The following CYFIP2 variants were observed in gnomAD, a reference collection of about 807,000 sequenced individuals.
The protein encoded by CYFIP2 is cytoplasmic FMR1 interacting protein 2.
Under a neutral mutation model 158.7 loss-of-function variants are expected in CYFIP2, and 29 were observed. The ratio of observed to expected loss-of-function variants is 0.18; its 90% CI spans 0.14 to 0.25. The LOEUF (loss-of-function observed/expected upper bound fraction) is 0.25. CYFIP2 is among the 10% of genes least tolerant of loss of function. The pLI is 1.00. For missense variants in CYFIP2, 852 were observed against 1,639.5 expected, an observed-to-expected ratio of 0.52 and a Z score of 8.29; for synonymous variants, 585 against 617.6, an observed-to-expected ratio of 0.95 and a Z score of 0.78.
intron 23 of CYFIP2, among the ~76,000 whole-genome samples, chr5:157,352,594 G>A (rs927185623): frequency 2.0e-5 from 3 of 152,190 alleles, no homozygotes; most frequent in East Asian, 1.9e-4. Context: ...ATTTCATCTT[G>A]TATCTCACCC....
chr5:157,386,615 C>T (rs112571874), intron 28 of CYFIP2, among the ~76,000 whole-genome samples: 1 of 152,142 alleles, frequency 6.6e-6, no homozygotes, highest in East Asian at 1.9e-4. Context: ...GTAGCTCACA[C>T]GATGTTATGT....
In CYFIP2 at chr5:157,302,916, T is replaced by G. The variant is rs750519308; in HGVS notation, c.666+26T>G. The G allele has an allele frequency of 1.9e-6, 3 of 1,542,966 alleles. No homozygotes were observed. The South Asian group carries it at 3.6e-5, about 19-fold the overall frequency. On this transcript the variant is annotated intron_variant, in intron 7 of 30. Transcript: ENST00000620254. Reference sequence around the variant, plus strand: ...GTGAGGGCAGACTCCTTGTTAGGCCTGGCCTGATGTCTCGGGGTTATAGGC... The same window carrying G: ...GTGAGGGCAGACTCCTTGTTAGGCCGGGCCTGATGTCTCGGGGTTATAGGC...
chr5:157,369,245 A>T (rs962975430), intron 26 of CYFIP2, among the ~76,000 whole-genome samples: 7 of 152,072 alleles, frequency 4.6e-5, no homozygotes, highest in African/African-American at 1.5e-4. Context: ...AATAGCAACA[A>T]TATAGATTTG....
At chr5:157,360,631 G>T (rs1763742907) in intron 25 of CYFIP2, among the ~76,000 whole-genome samples, 1 of 152,210 alleles carries the variant, frequency 6.6e-6, no homozygotes, top group Admixed American at 6.5e-5. Context: ...ATGTAAGCAT[G>T]TTTAAATAAT....
chr5:157,307,655 G>A (rs868600346), intron 8 of CYFIP2, 106 bp from the exon 9 acceptor site: 21 of 614,120 alleles, frequency 3.4e-5, no homozygotes, highest in African/African-American at 1.0e-4. Context: ...GTGTGTGTGT[G>A]TATGTGTGTG....
intron 26 of CYFIP2, chr5:157,364,798 A>G (rs1357559902): frequency 6.6e-6 from 1 of 152,184 alleles, no homozygotes; most frequent in Admixed American, 6.5e-5. Context: ...TGACATACCA[A>G]TTCTTCTCAA....
At chr5:157,283,772 G>C (rs982594389) in intron 1 of CYFIP2, among the ~76,000 whole-genome samples, 2 of 152,192 alleles carry the variant, frequency 1.3e-5, no homozygotes, top group African/African-American at 4.8e-5. Flanking sequence ...GCAGGTATTA[G>C]TCTCGGGGCA....
rs1480905519 is a variant in CYFIP2, at chr5:157,311,063, G to A, written c.993-601G>A. On this transcript the variant is annotated intron_variant, in intron 10 of 30. Coordinates refer to ENST00000620254, the MANE Select transcript of CYFIP2 (RefSeq NM_001037333.3). The surrounding 1 kb of genome is among the most constrained non-coding windows in gnomAD (Gnocchi z 4.7). ...AAAAAAGGCGGAGGGAAGGAGGAAA[G>A]AGGGTGGAAAGAGAAGGAGAGAAGG... 1 of 453,556 alleles carries A rather than the reference G, an allele frequency of 2.2e-6. No individual in the cohort carries two copies. Among genetic ancestry groups the A allele is most frequent in the African/African-American group, 2.0e-5 (1 of 49,446 alleles). The allele number at this position is 453,556 out of a possible 1,614,324, so 28.1% of individuals were successfully genotyped here. A position where few individuals can be genotyped will look rare whatever the true frequency, so the allele number is the denominator to read the frequency against.
chr5:157,274,293 T>C (rs1016050829), intron 1 of CYFIP2, among the ~76,000 whole-genome samples: 4 of 152,084 alleles, frequency 2.6e-5, no homozygotes, highest in Non-Finnish European at 1.5e-5. Context: ...TTGGCAACCA[T>C]AGATTTGCCT....
chr5:157,294,040 T>A (rs1461792563), intron 3 of CYFIP2, among the ~76,000 whole-genome samples: 1 of 152,152 alleles, frequency 6.6e-6, no homozygotes, highest in Non-Finnish European at 1.5e-5. Context: ...ACAATAGTGT[T>A]GGTATTTGTA....
Position 157,323,867 on chromosome 5 carries a change from T to C in CYFIP2, c.1672-54T>C, listed in dbSNP as rs1344683337. 7 of 1,451,194 alleles carry C rather than the reference T, an allele frequency of 4.8e-6. No individual in the cohort carries two copies. The South Asian group carries it at 5.7e-5, about 12-fold the overall frequency. 89.9% of individuals were successfully genotyped at this position (1,451,194 alleles called of 1,614,324 possible). A position where few individuals can be genotyped will look rare whatever the true frequency, so the allele number is the denominator to read the frequency against. On this transcript the variant is annotated intron_variant, in intron 15 of 30. Coordinates refer to ENST00000620254, the MANE Select transcript of CYFIP2 (RefSeq NM_001037333.3). ...TAAATACAACATGAAGCAACCTTTT[T>C]CCCCGGGGTAGAGGGCCAGCTTCTG...
At chr5:157,328,953 T>C (rs1761239254) in intron 19 of CYFIP2, among the ~76,000 whole-genome samples, 1 of 152,192 alleles carries the variant, frequency 6.6e-6, no homozygotes, top group Admixed American at 6.5e-5. Flanking sequence ...ACCTCAAATT[T>C]TATATATAGG....
At chr5:157,342,617 T>A in intron 23 of CYFIP2, 1 of 445,762 alleles carries the variant, frequency 2.2e-6, no homozygotes, top group East Asian at 3.2e-5. Flanking sequence ...TGCTTTCAAT[T>A]CTTAACTGTG....
intron 2 of CYFIP2, among the ~76,000 whole-genome samples, chr5:157,286,344 ATG>A (rs546627602): frequency 1.9e-4 from 29 of 150,468 alleles, no homozygotes; most frequent in Non-Finnish European, 3.4e-4. Flanking sequence ...ATACATATAT[ATG>A]TGTGTGTGTA....
intron 1 of CYFIP2, among the ~76,000 whole-genome samples, chr5:157,284,884 G>A (rs78769796): frequency 1.3e-5 from 2 of 152,182 alleles, no homozygotes; most frequent in African/African-American, 2.4e-5. Flanking sequence ...TGGCTGTCAC[G>A]ATCCTGGATA....
intron 7 of CYFIP2, 71 bp from the exon 8 acceptor site, chr5:157,304,167 C>T (rs1759018225): frequency 1.3e-6 from 2 of 1,538,122 alleles, no homozygotes; most frequent in Admixed American, 2.0e-5. Flanking sequence ...AGCTGTAGGG[C>T]TTCTGCAGGG....
intron 1 of CYFIP2, among the ~76,000 whole-genome samples, chr5:157,275,191 TGTTTA>T (rs892061829): frequency 1.3e-5 from 2 of 152,200 alleles, no homozygotes; most frequent in Admixed American, 6.5e-5. Context: ...TTTATTTTGA[TGTTTA>T]GTTTATTTTT....
chr5:157,359,117 T>C lies in CYFIP2; in HGVS notation c.2786T>C (p.Met929Thr), dbSNP rs1763621249. Residue 929 changes from methionine to threonine, a missense_variant, in exon 24 of 31, where the codon ATG becomes ACG. Around this residue, in one of 8 missense-constraint regions of CYFIP2, gnomAD observed 191 missense variants for 311.2 expected, o/e 0.61. Coordinates refer to ENST00000620254, the MANE Select transcript of CYFIP2 (RefSeq NM_001037333.3). Reference sequence around the variant, plus strand: ...GGTTATCAGGGCATCGCTGTGGTCATGGAGGAACTGCTAAAGATTGTGAAG... The same window carrying C: ...GGTTATCAGGGCATCGCTGTGGTCACGGAGGAACTGCTAAAGATTGTGAAG... ...LLGYQGIAVV[M>T]EELLKIVKSL... is the part of the protein sequence containing the mutation. The C allele has an allele frequency of 9.9e-6, 16 of 1,613,902 alleles. No individual in the cohort carries two copies. The highest frequency in any genetic ancestry group is 1.3e-5 in the Non-Finnish European group (15 of 1,179,894).
chr5:157,332,844 C>T (rs1761577128), intron 20 of CYFIP2, among the ~76,000 whole-genome samples: 2 of 152,168 alleles, frequency 1.3e-5, no homozygotes, highest in Admixed American at 1.3e-4. Context: ...CAGATTCTTA[C>T]TGTGTTGCCC....
Sources: gnomAD v4.1 joint callset for allele counts (sites outside exome capture counted in the v4.1 genomes callset) on GRCh38, gnomAD v4.1.1 for gene constraint, gnomAD v4.1.1 regional missense constraint, Gnocchi (gnomAD v3.1) non-coding constraint, MANE v1.5 for transcripts, NCBI Gene and HGNC (gene_info 2026-07-23, HGNC 2026-07-21) for gene names.